The following GLRA2 variants were observed in gnomAD, a reference collection of about 807,000 sequenced individuals.
The protein encoded by GLRA2 is glycine receptor alpha 2.
GLRA2 carries 11 observed loss-of-function variants against 31.6 expected under a neutral mutation model. The ratio of observed to expected loss-of-function variants is 0.35; its 90% CI spans 0.22 to 0.58. The LOEUF (loss-of-function observed/expected upper bound fraction) is 0.58. Among genes scored for constraint, GLRA2 ranks in the 20% least tolerant of loss-of-function variants. The probability of loss-of-function intolerance (pLI) is 0.84; values close to 1 mark genes in which losing one functional copy is unlikely to be tolerated. For missense variants in GLRA2, 212 were observed against 351.8 expected (o/e 0.60, Z 3.18); for synonymous variants, 132 against 134.0 (o/e 0.99, Z 0.10).
chrX:14,565,281 G>A lies in GLRA2; in HGVS notation c.203-9052G>A, dbSNP rs776854849. ...GGCTAACAGCAGAAGAATTGAAAAA[G>A]ATATTCCATGAAATAGTAACCAAAA... On this transcript the variant is annotated intron_variant, in intron 2 of 8. Transcript: ENST00000218075. Among the ~76,000 whole-genome samples, 6 of 111,593 alleles carry A rather than the reference G, an allele frequency of 5.4e-5. No individual in the cohort carries two copies. The East Asian group carries it at 1.7e-3, about 31-fold the overall frequency.
intron 7 of GLRA2, among the ~76,000 whole-genome samples, chrX:14,627,114 A>G (rs1455051069): frequency 9.0e-6 from 1 of 111,219 alleles, no homozygotes; most frequent in African/African-American, 3.3e-5. Context: ...TGATCTGGGT[A>G]CTTCTCAATA....
At chrX:14,617,415 T>C (rs2090465664) in intron 7 of GLRA2, among the ~76,000 whole-genome samples, 1 of 111,842 alleles carries the variant, frequency 8.9e-6, no homozygotes, top group Non-Finnish European at 1.9e-5. Context: ...AAGGCAGATT[T>C]TTTTACAAAA....
intron 7 of GLRA2, among the ~76,000 whole-genome samples, chrX:14,625,963 A>G (rs1430778642): frequency 2.7e-5 from 3 of 112,016 alleles, no homozygotes; most frequent in Non-Finnish European, 5.7e-5. Flanking sequence ...TAGACCTTAA[A>G]CTAGAGCTAG....
chrX:14,591,526 T>G (rs2090145684), intron 4 of GLRA2, among the ~76,000 whole-genome samples: 1 of 111,801 alleles, frequency 8.9e-6, no homozygotes, highest in Non-Finnish European at 1.9e-5. Context: ...GCAAGTTGGC[T>G]CTTCCATCTT....
At chrX:14,528,445 C>G (rs1047589849), upstream of GLRA2, among the ~76,000 whole-genome samples, 8 of 111,880 alleles carry the variant, frequency 7.2e-5, no homozygotes, top group African/African-American at 1.3e-4. Context: ...AAGGAATATT[C>G]CACAAAAAGT....
At chrX:14,550,363 T>C (rs1373452482) in intron 2 of GLRA2, among the ~76,000 whole-genome samples, 3 of 107,674 alleles carry the variant, frequency 2.8e-5, no homozygotes, top group Non-Finnish European at 5.8e-5. Context: ...TGGAGGAGAG[T>C]TCTGGAAGGA....
intron 7 of GLRA2, among the ~76,000 whole-genome samples, chrX:14,619,675 C>A (rs2090493508): frequency 1.8e-5 from 2 of 111,044 alleles, no homozygotes; most frequent in Admixed American, 1.9e-4. Flanking sequence ...CCTGATTCAA[C>A]TTTCTAATTT....
intron 2 of GLRA2, among the ~76,000 whole-genome samples, chrX:14,562,359 G>A (rs1490544475): frequency 8.9e-6 from 1 of 112,317 alleles, no homozygotes; most frequent in African/African-American, 3.2e-5. Context: ...TAGTATGGCA[G>A]TAGTTTTGGT....
the GLRA2 span, among the ~76,000 whole-genome samples, chrX:14,519,392 T>G: frequency 1.8e-5 from 2 of 111,709 alleles, no homozygotes; most frequent in Non-Finnish European, 3.8e-5. Flanking sequence ...ACACAGCTTT[T>G]TCACATTTCA....
At chrX:14,519,784 G>T in the GLRA2 span, among the ~76,000 whole-genome samples, 2 of 111,633 alleles carry the variant, frequency 1.8e-5, no homozygotes, top group Admixed American at 9.6e-5. Flanking sequence ...TTCACATATA[G>T]ATAGGTCTTA....
At chrX:14,635,402 A>C (rs750934063) in intron 7 of GLRA2, among the ~76,000 whole-genome samples, 1 of 111,949 alleles carries the variant, frequency 8.9e-6, no homozygotes, top group Non-Finnish European at 1.9e-5. Context: ...CAAAAATGGA[A>C]TCTGACCACA....
At chrX:14,675,965 A>G (rs1239892018) in intron 7 of GLRA2, among the ~76,000 whole-genome samples, 1 of 112,345 alleles carries the variant, frequency 8.9e-6, no homozygotes. Context: ...CAAAATGGGA[A>G]TGGAAAGCAT....
the GLRA2 span, among the ~76,000 whole-genome samples, chrX:14,494,820 G>C: frequency 1.8e-5 from 2 of 111,822 alleles, no homozygotes; most frequent in African/African-American, 6.5e-5. Flanking sequence ...AGAAAAACTG[G>C]GTGGAATTTC....
At chrX:14,496,588 A>G in the GLRA2 span, among the ~76,000 whole-genome samples, 1 of 111,957 alleles carries the variant, frequency 8.9e-6, no homozygotes, top group Non-Finnish European at 1.9e-5. Flanking sequence ...TGCTAGCACT[A>G]AATTATTGTA....
the GLRA2 span, among the ~76,000 whole-genome samples, chrX:14,458,441 T>C: frequency 4.5e-5 from 5 of 111,925 alleles, no homozygotes; most frequent in South Asian, 3.7e-4. Context: ...CCTGAGGAAT[T>C]GCCACACTGA....
intron 7 of GLRA2, among the ~76,000 whole-genome samples, chrX:14,685,534 T>C (rs1442145787): frequency 9.0e-6 from 1 of 111,704 alleles, no homozygotes; most frequent in Non-Finnish European, 1.9e-5. Flanking sequence ...TTCTTCCTGG[T>C]TTTGTCTTGG....
chrX:14,568,004 A>G (rs2089829380), intron 2 of GLRA2, among the ~76,000 whole-genome samples: 1 of 112,309 alleles, frequency 8.9e-6, no homozygotes, highest in African/African-American at 3.2e-5. Context: ...AACATCCCTT[A>G]TTAAGTCATG....
At chrX:14,685,792 T>A (rs930982017) in intron 7 of GLRA2, among the ~76,000 whole-genome samples, 3 of 111,625 alleles carry the variant, frequency 2.7e-5, no homozygotes, top group Non-Finnish European at 5.6e-5. Flanking sequence ...TTTTGAAGGG[T>A]TTTTTGTGTC....
At chrX:14,690,580 A>T in intron 7 of GLRA2, 130 bp from the exon 8 acceptor site, 2 of 466,938 alleles carry the variant, frequency 4.3e-6, no homozygotes, top group Non-Finnish European at 7.3e-6. Context: ...CTGGAAAATC[A>T]TTGACCAAGG....
Sources: allele counts gnomAD v4.1 joint callset (sites outside exome capture counted in the v4.1 genomes callset), GRCh38; gene constraint gnomAD v4.1.1; transcripts MANE v1.5; gene names NCBI Gene and HGNC (gene_info 2026-07-23, HGNC 2026-07-21).